The following BCAT1 variants were observed in gnomAD, a reference collection of about 807,000 sequenced individuals.
BCAT1 encodes the protein branched chain amino acid transaminase 1.
Under a neutral mutation model 52.4 loss-of-function variants are expected in BCAT1, and 48 were observed. The observed-to-expected ratio is 0.92, with a 90% CI of 0.73 to 1.16. The LOEUF (loss-of-function observed/expected upper bound fraction) is 1.16, where lower values mean the gene tolerates loss of function less well. Among genes scored for constraint, BCAT1 ranks in the 50% most tolerant of loss-of-function variants. The pLI is 0.00. For missense variants in BCAT1, 451 were observed against 457.1 expected (o/e 0.99, Z 0.12); for synonymous variants, 167 against 161.3 (o/e 1.04, Z -0.27).
At chr12:24,857,892 A>AG (rs1278372840) in intron 5 of BCAT1, among the ~76,000 whole-genome samples, 2 of 152,196 alleles carry the variant, frequency 1.3e-5, no homozygotes. Context: ...TAGCAGTTAT[A>AG]GGGGAATACC....
At chr12:24,903,114 T>C in intron 1 of BCAT1, 6 of 1,328,968 alleles carry the variant, frequency 4.5e-6, no homozygotes, top group Admixed American at 4.0e-5. Context: ...TACCACGACC[T>C]GGGGCCGCGC....
At chr12:24,857,420 G>A (rs976107413) in intron 5 of BCAT1, among the ~76,000 whole-genome samples, 12 of 152,210 alleles carry the variant, frequency 7.9e-5, no homozygotes, top group African/African-American at 2.9e-4. Flanking sequence ...GTCCTGGCTA[G>A]AGTCTGATAA....
chr12:24,902,693 T>C, intron 1 of BCAT1: 1 of 552,584 alleles, frequency 1.8e-6, no homozygotes, highest in Admixed American at 4.0e-5. Flanking sequence ...CTCGCCACGC[T>C]CCGGAGCGGG....
intron 7 of BCAT1, among the ~76,000 whole-genome samples, chr12:24,839,351 A>G (rs1941103427): frequency 1.3e-5 from 2 of 152,190 alleles, no homozygotes; most frequent in Admixed American, 1.3e-4. Context: ...GACGTGTCCG[A>G]GAAGACTCAT....
At chr12:24,867,107 A>T (rs1398292367) in intron 5 of BCAT1, among the ~76,000 whole-genome samples, 1 of 151,876 alleles carries the variant, frequency 6.6e-6, no homozygotes, top group Non-Finnish European at 1.5e-5. Context: ...GAGCTGCAAC[A>T]CTCACCGCAA....
intron 5 of BCAT1, among the ~76,000 whole-genome samples, chr12:24,852,053 G>T (rs1029631465): frequency 3.3e-5 from 5 of 152,040 alleles, no homozygotes; most frequent in African/African-American, 1.2e-4. Flanking sequence ...GAGAGTGAGT[G>T]AGTTCTCCTG....
At chr12:24,821,472 A>C (rs1940124628) in intron 10 of BCAT1, among the ~76,000 whole-genome samples, 1 of 152,228 alleles carries the variant, frequency 6.6e-6, no homozygotes, top group Admixed American at 6.5e-5. Context: ...ATTTGTTGAC[A>C]GCAGTGTCAA....
At chr12:24,943,849 T>C (rs1182660785) in intron 1 of BCAT1, among the ~76,000 whole-genome samples, 4 of 152,152 alleles carry the variant, frequency 2.6e-5, no homozygotes, top group East Asian at 3.9e-4. Context: ...CCGGGCGTGG[T>C]GGCGGGCGCC....
Position 24,812,377 on chromosome 12 carries a change from C to G in BCAT1, c.*5631G>C, listed in dbSNP as rs1200394739. ...TATTATTTTATTTGGCCTCAAGAAG[C>G]TTCATGGATCTTAGAATAAAATGGT... On this transcript the variant is annotated 3_prime_UTR_variant, in exon 11 of 11. Coordinates refer to ENST00000261192, the MANE Select transcript of BCAT1 (RefSeq NM_005504.7). The G allele has an allele frequency of 2.0e-5, 3 of 151,974 alleles. No individual in the cohort carries two copies. Among genetic ancestry groups the G allele is most frequent in the Non-Finnish European group, 4.4e-5 (3 of 67,888 alleles). 9.4% of individuals were successfully genotyped at this position (151,974 alleles called of 1,614,324 possible). A position where few individuals can be genotyped will look rare whatever the true frequency, so the allele number is the denominator to read the frequency against.
At chr12:24,884,604 TA>T (rs1428847126) in intron 3 of BCAT1, among the ~76,000 whole-genome samples, 6 of 152,178 alleles carry the variant, frequency 3.9e-5, no homozygotes, top group African/African-American at 1.4e-4. Flanking sequence ...ACCCCATAAA[TA>T]AATACAATTA....
intron 3 of BCAT1, among the ~76,000 whole-genome samples, chr12:24,887,078 AAAATATAT>A (rs1476414902): frequency 2.5e-5 from 2 of 79,238 alleles, no homozygotes; most frequent in African/African-American, 9.5e-5. Context: ...AAAAAAAAAA[AAAATATAT>A]ATATATATAT....
chr12:24,908,083 G>A (rs985840729), intron 1 of BCAT1, among the ~76,000 whole-genome samples: 2 of 152,170 alleles, frequency 1.3e-5, no homozygotes, highest in African/African-American at 2.4e-5. Context: ...AACTGCCAAA[G>A]TTTAGAATAT....
chr12:24,944,568 G>A (rs1943907894), intron 1 of BCAT1, among the ~76,000 whole-genome samples: 1 of 152,126 alleles, frequency 6.6e-6, no homozygotes, highest in Non-Finnish European at 1.5e-5. Context: ...GTAATCCTAT[G>A]TCCCAGGCTT....
chr12:24,816,732 G>A lies in BCAT1; in HGVS notation c.*1276C>T, dbSNP rs1242800526. ...TTTGGCACCAGGGACCAGTTTTGTG[G>A]AAGACAATTTTTCCACAGACTGCAG... On this transcript the variant is annotated 3_prime_UTR_variant, in exon 11 of 11. Coordinates refer to ENST00000261192, the MANE Select transcript of BCAT1 (RefSeq NM_005504.7). The A allele has an allele frequency of 1.0e-5, 4 of 394,864 alleles. No homozygotes were observed. Among genetic ancestry groups the A allele is most frequent in the Non-Finnish European group, 1.8e-5 (4 of 224,034 alleles). The allele number at this position is 394,864 out of a possible 1,614,324, so 24.5% of individuals were successfully genotyped here. A position where few individuals can be genotyped will look rare whatever the true frequency, so the allele number is the denominator to read the frequency against.
intron 8 of BCAT1, among the ~76,000 whole-genome samples, chr12:24,833,531 A>T (rs77642830): frequency 0.11 from 17,005 of 152,104 alleles, 1,081 homozygotes; most frequent in Non-Finnish European, 0.13. Context: ...AAAACAAAAC[A>T]AAACAAAAAA....
At chr12:24,913,416 A>G (rs1343972345) in intron 1 of BCAT1, among the ~76,000 whole-genome samples, 2 of 152,220 alleles carry the variant, frequency 1.3e-5, no homozygotes, top group African/African-American at 2.4e-5. Flanking sequence ...TGTGCTAGGT[A>G]AGTCTTTGAC....
chr12:24,828,347 T>A (rs1316362708), intron 10 of BCAT1, among the ~76,000 whole-genome samples: 1 of 152,200 alleles, frequency 6.6e-6, no homozygotes, highest in Non-Finnish European at 1.5e-5. Context: ...TTAGCATGCC[T>A]GCTTAACTGC....
chr12:24,855,148 C>T (rs1028104352), intron 5 of BCAT1, among the ~76,000 whole-genome samples: 18 of 152,054 alleles, frequency 1.2e-4, no homozygotes, highest in African/African-American at 4.3e-4. Flanking sequence ...TGTTTGGTTT[C>T]CTATAGAAAC....
At position 24,844,280 on chromosome 12, in the gene BCAT1, A is replaced by T. The variant is rs530624499; in HGVS notation, c.675-2056T>A. On this transcript the variant is annotated intron_variant, in intron 6 of 10. Transcript: ENST00000261192. ...CCGTCTCTACTAAAAATAACAAAAA[A>T]ATTAGCCGGGAGTGGTGGCCCATGC... Among the ~76,000 whole-genome samples the T allele has an allele frequency of 5.3e-5, 8 of 151,620 alleles. No individual in the cohort carries two copies. The South Asian group carries it at 1.7e-3, about 32-fold the overall frequency.
Sources: allele counts gnomAD v4.1 joint callset (sites outside exome capture counted in the v4.1 genomes callset), GRCh38; gene constraint gnomAD v4.1.1; transcripts MANE v1.5; gene names NCBI Gene and HGNC (gene_info 2026-07-23, HGNC 2026-07-21).